COL25A1: variants seen among roughly 807,000 people sequenced by gnomAD.
COL25A1 encodes collagen type XXV alpha 1 chain.
A neutral mutation model predicts 128.4 loss-of-function variants in COL25A1; 103 were observed. That is an observed-to-expected ratio of 0.80 (90% CI 0.68 to 0.94). The LOEUF (loss-of-function observed/expected upper bound fraction) is 0.94. Ranked by LOEUF, COL25A1 falls within the 40% of genes least tolerant of loss-of-function variation. The pLI, the probability that COL25A1 is intolerant of heterozygous loss-of-function variation, is 0.00. For synonymous variants in COL25A1, 279 were observed against 277.2 expected (o/e 1.01, Z -0.06); for missense variants, 745 against 840.0 (o/e 0.89, Z 1.40).
At chr4:108,965,822 T>C (rs1386077744) in intron 8 of COL25A1, among the ~76,000 whole-genome samples, 1 of 152,136 alleles carries the variant, frequency 6.6e-6, no homozygotes, top group Non-Finnish European at 1.5e-5. Flanking sequence ...ATGAAGTTCA[T>C]TTTTTTGCAA....
In COL25A1 at chr4:108,891,711, GT is replaced by G. The variant is rs1203179628; in HGVS notation, c.907-1979del. Among the ~76,000 whole-genome samples the G allele has an allele frequency of 1.8e-3, 263 of 144,042 alleles. 3 individuals carry two copies. The East Asian group carries it at 0.029, about 16-fold the overall frequency. 94.5% of individuals were successfully genotyped at this position (144,042 alleles called of 152,430 possible). A position where few individuals can be genotyped will look rare whatever the true frequency, so the allele number is the denominator to read the frequency against. On this transcript the variant is annotated intron_variant, in intron 16 of 37. Transcript: ENST00000399132. ...CCTAAATTCTACTGCCGTGTTTTAG[GT>G]TTTTTTTTTTTAATACAAAAAAATT... is the stretch of plus-strand genomic sequence containing the variant.
chr4:108,994,586 G>C (rs988262268), intron 6 of COL25A1, among the ~76,000 whole-genome samples: 2 of 152,224 alleles, frequency 1.3e-5, no homozygotes, highest in Non-Finnish European at 2.9e-5. Flanking sequence ...AAATGTCCCT[G>C]TCTGACAGCT....
At chr4:109,294,659 T>C (rs1349875716) in intron 3 of COL25A1, among the ~76,000 whole-genome samples, 12 of 152,128 alleles carry the variant, frequency 7.9e-5, no homozygotes, top group Non-Finnish European at 1.5e-4. Flanking sequence ...CAGCCCGGAT[T>C]GACTCATACA....
At chr4:108,849,969 T>C (rs1323350205) in intron 26 of COL25A1, among the ~76,000 whole-genome samples, 2 of 152,126 alleles carry the variant, frequency 1.3e-5, no homozygotes, top group Admixed American at 6.6e-5. Context: ...TTTTCTTATT[T>C]CAGGTTTCCT....
intron 8 of COL25A1, among the ~76,000 whole-genome samples, chr4:108,970,475 A>G (rs888159240): frequency 1.3e-5 from 2 of 152,306 alleles, no homozygotes. Flanking sequence ...ATACTGTTAC[A>G]TATGTTGTTT....
chr4:108,896,834 T>C, intron 15 of COL25A1, 123 bp from the exon 16 acceptor site: 1 of 813,976 alleles, frequency 1.2e-6, no homozygotes, highest in Admixed American at 2.2e-5. Context: ...AAATGCTCTA[T>C]AGAGCTAATG....
intron 3 of COL25A1, among the ~76,000 whole-genome samples, chr4:109,243,143 T>C (rs891560380): frequency 1.3e-5 from 2 of 152,130 alleles, no homozygotes; most frequent in Non-Finnish European, 2.9e-5. Flanking sequence ...TATTAAACTA[T>C]TTGAATCTTC....
At chr4:108,860,629 G>A (rs905882110) in intron 23 of COL25A1, among the ~76,000 whole-genome samples, 1 of 151,798 alleles carries the variant, frequency 6.6e-6, no homozygotes, top group African/African-American at 2.4e-5. Flanking sequence ...TTATAATTGA[G>A]TTAATTGAAA....
chr4:109,149,802 G>A (rs1771295813), intron 3 of COL25A1, among the ~76,000 whole-genome samples: 1 of 152,098 alleles, frequency 6.6e-6, no homozygotes, highest in Non-Finnish European at 1.5e-5. Context: ...ATGATGTGAA[G>A]CATAAATAGC....
chr4:108,814,072 T>C (rs1731027138), intron 37 of COL25A1, 143 bp from the exon 38 acceptor site: 1 of 635,952 alleles, frequency 1.6e-6, no homozygotes, highest in East Asian at 2.7e-5. Context: ...ATGAGCCAAT[T>C]GATTATCTGA....
chr4:109,083,445 T>C (rs1265385460), intron 3 of COL25A1, among the ~76,000 whole-genome samples: 2 of 100,752 alleles, frequency 2.0e-5, no homozygotes, highest in Non-Finnish European at 3.6e-5. Flanking sequence ...TTACACTAAA[T>C]AAATTTTTTT....
chr4:108,885,758 G>A (rs1037288393), intron 18 of COL25A1, among the ~76,000 whole-genome samples: 3 of 152,000 alleles, frequency 2.0e-5, no homozygotes, highest in Non-Finnish European at 4.4e-5. Flanking sequence ...AAAAGTAAAC[G>A]TATTGATGGC....
intron 11 of COL25A1, among the ~76,000 whole-genome samples, chr4:108,930,489 G>A (rs1354533341): frequency 6.6e-6 from 1 of 152,184 alleles, no homozygotes; most frequent in Non-Finnish European, 1.5e-5. Context: ...TACCACTGGT[G>A]TGCACCACAA....
intron 13 of COL25A1, among the ~76,000 whole-genome samples, chr4:108,911,009 G>A (rs1032873962): frequency 6.6e-6 from 1 of 152,126 alleles, no homozygotes; most frequent in Non-Finnish European, 1.5e-5. Context: ...TAAATGGAAC[G>A]GGGTAGATTT....
intron 19 of COL25A1, among the ~76,000 whole-genome samples, chr4:108,870,983 TG>T (rs1356619624): frequency 1.3e-5 from 2 of 152,206 alleles, no homozygotes; most frequent in African/African-American, 4.8e-5. Context: ...GAGTAAATGT[TG>T]CAAAAACATA....
At chr4:108,879,127 A>G (rs1441719387) in intron 19 of COL25A1, among the ~76,000 whole-genome samples, 1 of 152,186 alleles carries the variant, frequency 6.6e-6, no homozygotes, top group African/African-American at 2.4e-5. Flanking sequence ...GCCAGAGTAA[A>G]TGCTTCTGCC....
At chr4:108,935,477 C>T (rs542104817) in intron 11 of COL25A1, among the ~76,000 whole-genome samples, 2 of 152,256 alleles carry the variant, frequency 1.3e-5, no homozygotes, top group Admixed American at 1.3e-4. Flanking sequence ...AAGAATCGTA[C>T]ATCTTTAAAA....
intron 3 of COL25A1, among the ~76,000 whole-genome samples, chr4:109,059,567 A>G (rs1468908034): frequency 6.6e-6 from 1 of 152,222 alleles, no homozygotes; most frequent in Non-Finnish European, 1.5e-5. Flanking sequence ...ATAAGAAATC[A>G]CTGGCCAACA....
intron 19 of COL25A1, among the ~76,000 whole-genome samples, chr4:108,872,495 TGTG>T (rs1182073812): frequency 6.6e-6 from 1 of 152,168 alleles, no homozygotes; most frequent in Non-Finnish European, 1.5e-5. Context: ...AACTACCACT[TGTG>T]GGGTTTAGGA....
Sources: allele counts gnomAD v4.1 joint callset (sites outside exome capture counted in the v4.1 genomes callset), GRCh38; gene constraint gnomAD v4.1.1; transcripts MANE v1.5; gene names NCBI Gene and HGNC (gene_info 2026-07-23, HGNC 2026-07-21).